STXBP5L: variants seen among roughly 807,000 people sequenced by gnomAD.
STXBP5L encodes the protein syntaxin binding protein 5L.
A neutral mutation model predicts 144.5 loss-of-function variants in STXBP5L; 65 were observed. The ratio of observed to expected loss-of-function variants is 0.45; its 90% CI spans 0.37 to 0.55. STXBP5L has a LOEUF of 0.55. Ranked by LOEUF, STXBP5L falls within the 20% of genes least tolerant of loss-of-function variation. The pLI, the probability that STXBP5L is intolerant of heterozygous loss-of-function variation, is 0.00. For missense variants in STXBP5L, 1,298 were observed against 1,405.5 expected (o/e 0.92, Z 1.22); for synonymous variants, 505 against 469.6 (o/e 1.08, Z -0.97).
chr3:121,216,724 C>T (rs2048789666), intron 10 of STXBP5L, among the ~76,000 whole-genome samples: 1 of 152,214 alleles, frequency 6.6e-6, no homozygotes, highest in South Asian at 2.1e-4. Context: ...GCTGGGAGAT[C>T]TGCTGCTCTC....
intron 3 of STXBP5L, among the ~76,000 whole-genome samples, chr3:121,004,721 T>C (rs1944117382): frequency 6.6e-6 from 1 of 152,182 alleles, no homozygotes; most frequent in African/African-American, 2.4e-5. Context: ...TTGAGATACG[T>C]CCCATGAATA....
intron 10 of STXBP5L, among the ~76,000 whole-genome samples, chr3:121,209,256 G>T (rs137969983): frequency 0.055 from 8,368 of 152,060 alleles, 295 homozygotes; most frequent in Non-Finnish European, 0.081. Context: ...CTTTATAGTA[G>T]AATGATTTAT....
chr3:121,170,305 CAT>C (rs754816893), intron 9 of STXBP5L, among the ~76,000 whole-genome samples: 28 of 151,992 alleles, frequency 1.8e-4, no homozygotes, highest in Admixed American at 3.3e-4. Flanking sequence ...CAAGAGGAAA[CAT>C]ATTCAAAAGC....
chr3:121,024,936 C>G (rs1052368040), intron 3 of STXBP5L, among the ~76,000 whole-genome samples: 1 of 152,106 alleles, frequency 6.6e-6, no homozygotes, highest in Non-Finnish European at 1.5e-5. Flanking sequence ...TTTCTCAATG[C>G]TTAGAACAGT....
chr3:121,108,799 G>A (rs928813246), intron 5 of STXBP5L, among the ~76,000 whole-genome samples: 5 of 151,982 alleles, frequency 3.3e-5, no homozygotes, highest in African/African-American at 4.8e-5. Flanking sequence ...TACCAGCTCC[G>A]CTTTGTACCT....
chr3:121,180,692 T>C lies in STXBP5L; in HGVS notation c.877+23065T>C, dbSNP rs570477673. On this transcript the variant is annotated intron_variant, in intron 9 of 26. Coordinates refer to ENST00000471454, the MANE Select transcript of STXBP5L (RefSeq NM_001308330.2). ...CGGTTCAAGACCAGCCTGACCAACA[T>C]GGTGAAACCCCGTCTCTACTGAAAA... is the stretch of plus-strand genomic sequence containing the variant. 1.3e-4 allele frequency among the ~76,000 whole-genome samples: 20 copies of C among 152,264 alleles called. 1 individual carries two copies. In the South Asian group the frequency reaches 2.3e-3, roughly 17 times the overall value.
rs542902374 is a variant in STXBP5L, at chr3:121,008,755, G to T, written c.288-32945G>T. 2.6e-5 allele frequency among the ~76,000 whole-genome samples: 4 copies of T among 152,010 alleles called. No homozygotes were observed. The South Asian group carries it at 6.2e-4, about 24-fold the overall frequency. ...TATTTCATCTCCTTCATTGTCAACTGGGTCCTTTGGTTTGAGGCAATTTTA... is the reference window on the plus strand; with the variant it reads ...TATTTCATCTCCTTCATTGTCAACTTGGTCCTTTGGTTTGAGGCAATTTTA... On this transcript the variant is annotated intron_variant, in intron 3 of 26. Coordinates refer to ENST00000471454, the MANE Select transcript of STXBP5L (RefSeq NM_001308330.2).
chr3:121,059,338 G>C (rs572559063), intron 5 of STXBP5L, among the ~76,000 whole-genome samples: 3 of 152,164 alleles, frequency 2.0e-5, no homozygotes, highest in Non-Finnish European at 4.4e-5. Context: ...CTGTATATCT[G>C]TTTTGTTACC....
chr3:120,928,967 G>A (rs1036488547), intron 2 of STXBP5L, among the ~76,000 whole-genome samples: 1 of 152,130 alleles, frequency 6.6e-6, no homozygotes, highest in African/African-American at 2.4e-5. Context: ...ATTTGGCAGA[G>A]TCCCAAACGC....
chr3:121,005,744 A>G (rs543903493), intron 3 of STXBP5L, among the ~76,000 whole-genome samples: 1 of 152,280 alleles, frequency 6.6e-6, no homozygotes, highest in African/African-American at 2.4e-5. Flanking sequence ...AGATTCTGGT[A>G]TGTTGTATCT....
At chr3:121,301,863 T>A (rs1331335683) in intron 19 of STXBP5L, among the ~76,000 whole-genome samples, 2 of 152,222 alleles carry the variant, frequency 1.3e-5, no homozygotes, top group Admixed American at 1.3e-4. Context: ...GATTTGCGTA[T>A]GTTGAACCAG....
chr3:121,105,289 G>C (rs892726586), intron 5 of STXBP5L, among the ~76,000 whole-genome samples: 2 of 152,012 alleles, frequency 1.3e-5, no homozygotes, highest in Non-Finnish European at 2.9e-5. Context: ...CCAGCTACTT[G>C]GGAGGCTGAG....
intron 3 of STXBP5L, among the ~76,000 whole-genome samples, chr3:121,006,908 C>T (rs372953117): frequency 6.6e-6 from 1 of 152,150 alleles, no homozygotes; most frequent in Admixed American, 6.6e-5. Flanking sequence ...AGAGTTTCTG[C>T]TGAGAGATCA....
chr3:121,033,149 A>G (rs549125774), intron 3 of STXBP5L, among the ~76,000 whole-genome samples: 2 of 132,112 alleles, frequency 1.5e-5, no homozygotes, highest in Non-Finnish European at 3.2e-5. Flanking sequence ...ATTATTCACA[A>G]TAGCAAAGAC....
intron 5 of STXBP5L, among the ~76,000 whole-genome samples, chr3:121,079,488 G>A (rs1188380100): frequency 6.6e-6 from 1 of 152,194 alleles, no homozygotes; most frequent in Non-Finnish European, 1.5e-5. Context: ...GAGTTTAAGG[G>A]AGGGTCACAA....
At chr3:120,962,917 T>C (rs1939042802) in intron 3 of STXBP5L, among the ~76,000 whole-genome samples, 2 of 152,238 alleles carry the variant, frequency 1.3e-5, no homozygotes, top group South Asian at 2.1e-4. Flanking sequence ...GCATGGAATA[T>C]TCTTCCATTT....
intron 15 of STXBP5L, among the ~76,000 whole-genome samples, chr3:121,253,824 TTTGTA>T (rs2050118194): frequency 6.8e-6 from 1 of 146,048 alleles, no homozygotes; most frequent in Non-Finnish European, 1.5e-5. Context: ...TTTTTTTTTT[TTTGTA>T]TTTTTAGTAG....
chr3:121,190,040 G>T (rs1422313238), intron 9 of STXBP5L, among the ~76,000 whole-genome samples: 2 of 151,186 alleles, frequency 1.3e-5, no homozygotes, highest in South Asian at 2.1e-4. Flanking sequence ...ATAAGCTTTG[G>T]TTTTTTGTCC....
intron 9 of STXBP5L, among the ~76,000 whole-genome samples, chr3:121,204,998 C>T (rs2048283460): frequency 6.6e-6 from 1 of 152,038 alleles, no homozygotes. Flanking sequence ...AATGTAGTAT[C>T]TGTGTTCATT....
Sources: gnomAD v4.1 joint callset for allele counts (sites outside exome capture counted in the v4.1 genomes callset) on GRCh38, gnomAD v4.1.1 for gene constraint, MANE v1.5 for transcripts, NCBI Gene and HGNC (gene_info 2026-07-23, HGNC 2026-07-21) for gene names.